CDH12: variants seen among roughly 807,000 people sequenced by gnomAD.
CDH12 encodes the protein cadherin 12.
CDH12 carries 41 observed loss-of-function variants against 74.1 expected under a neutral mutation model. The ratio of observed to expected loss-of-function variants is 0.55; its 90% CI spans 0.43 to 0.72. The LOEUF (loss-of-function observed/expected upper bound fraction) is 0.72. Among genes scored for constraint, CDH12 ranks in the 30% least tolerant of loss-of-function variants. CDH12 has a pLI of 0.00. For missense variants in CDH12, 945 were observed against 977.2 expected (o/e 0.97, Z 0.44); for synonymous variants, 399 against 355.0 (o/e 1.12, Z -1.39).
chr5:22,802,862 C>T (rs556846898), intron 1 of CDH12, among the ~76,000 whole-genome samples: 4 of 152,204 alleles, frequency 2.6e-5, no homozygotes, highest in East Asian at 3.9e-4. Flanking sequence ...AATATATACA[C>T]GTTTAAAAAA....
At chr5:22,132,057 CT>C (rs1170503046) in intron 4 of CDH12, among the ~76,000 whole-genome samples, 1 of 152,022 alleles carries the variant, frequency 6.6e-6, no homozygotes, top group Non-Finnish European at 1.5e-5. Flanking sequence ...TTGGGAACTT[CT>C]TTTTTTATAC....
intron 3 of CDH12, among the ~76,000 whole-genome samples, chr5:22,404,660 C>A (rs1742863326): frequency 6.6e-6 from 1 of 152,092 alleles, no homozygotes; most frequent in East Asian, 1.9e-4. Flanking sequence ...ATATTGTAAG[C>A]TACAATACCT....
At chr5:21,756,491 T>C (rs189927761) in intron 13 of CDH12, among the ~76,000 whole-genome samples, 58 of 152,276 alleles carry the variant, frequency 3.8e-4, no homozygotes, top group African/African-American at 9.6e-4. Flanking sequence ...GTAATTCTGG[T>C]TAATTCAAAA....
chr5:22,265,722 G>A (rs964776682), intron 3 of CDH12, among the ~76,000 whole-genome samples: 1 of 152,060 alleles, frequency 6.6e-6, no homozygotes, highest in African/African-American at 2.4e-5. Context: ...CTCAAGTGGT[G>A]CCACTCTCCT....
At chr5:22,119,016 C>G (rs1183413057) in intron 4 of CDH12, among the ~76,000 whole-genome samples, 1 of 152,012 alleles carries the variant, frequency 6.6e-6, no homozygotes, top group African/African-American at 2.4e-5. Flanking sequence ...AATTTGAGAA[C>G]AAGAAGAAGT....
chr5:22,132,323 A>G, intron 4 of CDH12, among the ~76,000 whole-genome samples: 1 of 151,982 alleles, frequency 6.6e-6, no homozygotes. Flanking sequence ...AGAGTTTCGA[A>G]TAGACCTGCA....
At chr5:22,525,629 C>T (rs575598793) in intron 1 of CDH12, among the ~76,000 whole-genome samples, 19 of 152,196 alleles carry the variant, frequency 1.2e-4, no homozygotes, top group African/African-American at 4.6e-4. Flanking sequence ...AATGTAACTC[C>T]CCACACCTCA....
intron 1 of CDH12, among the ~76,000 whole-genome samples, chr5:22,549,132 T>G (rs1420526892): frequency 6.7e-6 from 1 of 149,156 alleles, no homozygotes; most frequent in South Asian, 2.1e-4. Flanking sequence ...ATTTGTTTTT[T>G]TTTTGTTTTT....
At chr5:22,455,757 ATT>A (rs1561417471) in intron 2 of CDH12, among the ~76,000 whole-genome samples, 1 of 152,196 alleles carries the variant, frequency 6.6e-6, no homozygotes. Context: ...CCAACATTTC[ATT>A]TTTGGTAGTT....
chr5:22,565,649 G>A (rs1739249305), intron 1 of CDH12, among the ~76,000 whole-genome samples: 1 of 152,012 alleles, frequency 6.6e-6, no homozygotes, highest in African/African-American at 2.4e-5. Flanking sequence ...AAATCCTCTT[G>A]GGGGTATTTG....
In CDH12 at chr5:21,903,248, A is replaced by G. The variant is rs184067693; in HGVS notation, c.527-48458T>C. ...CCCAAATGTTGAATTCTACACAGCA[A>G]TAGTAGGGAAATTGGAGAGTTACTA... is the stretch of plus-strand genomic sequence containing the variant. On this transcript the variant is annotated intron_variant, in intron 6 of 14. Transcript: ENST00000382254. Among the ~76,000 whole-genome samples, 418 of 152,294 alleles carry G rather than the reference A, an allele frequency of 2.7e-3. 2 individuals carry two copies. The highest frequency in any genetic ancestry group is 4.5e-3 in the Non-Finnish European group (307 of 68,008).
chr5:21,984,677 C>T (rs141540480), intron 5 of CDH12, among the ~76,000 whole-genome samples: 651 of 152,230 alleles, frequency 4.3e-3, no homozygotes, highest in African/African-American at 0.015. Context: ...TGATGCTTTC[C>T]GAAGAGGAGT....
intron 3 of CDH12, among the ~76,000 whole-genome samples, chr5:22,244,491 C>T (rs1445675365): frequency 1.5e-4 from 9 of 59,128 alleles, no homozygotes; most frequent in African/African-American, 5.4e-4. Context: ...CAAGACTCTG[C>T]CTCAAAAAAA....
intron 5 of CDH12, among the ~76,000 whole-genome samples, chr5:22,009,939 CAAAAAAA>C (rs774589642): frequency 1.1e-4 from 6 of 54,330 alleles, no homozygotes; most frequent in East Asian, 1.1e-3. Context: ...GAAACTGTCT[CAAAAAAA>C]AAAAAAAAAA....
At chr5:22,588,768 T>A (rs1243068406) in intron 1 of CDH12, among the ~76,000 whole-genome samples, 4 of 152,154 alleles carry the variant, frequency 2.6e-5, no homozygotes, top group African/African-American at 9.7e-5. Context: ...TTCTCTCCTG[T>A]CACAGTGTGT....
chr5:22,523,826 T>C (rs763605530), intron 1 of CDH12, among the ~76,000 whole-genome samples: 1 of 152,128 alleles, frequency 6.6e-6, no homozygotes, highest in Non-Finnish European at 1.5e-5. Context: ...CTGGAATATA[T>C]ACCCAATTTC....
At chr5:22,306,381 GGAGAGA>G (rs35900801) in intron 3 of CDH12, among the ~76,000 whole-genome samples, 1 of 150,242 alleles carries the variant, frequency 6.7e-6, no homozygotes, top group Non-Finnish European at 1.5e-5. Context: ...GGGAGGGAAG[GGAGAGA>G]GAGAGAGAGA....
chr5:21,829,983 G>A (rs895153800), intron 8 of CDH12, among the ~76,000 whole-genome samples: 6 of 151,854 alleles, frequency 4.0e-5, no homozygotes, highest in Non-Finnish European at 7.4e-5. Context: ...TGGATCACCC[G>A]AGGTCAGGAA....
At chr5:22,775,676 G>A (rs969954795) in intron 1 of CDH12, among the ~76,000 whole-genome samples, 20 of 152,064 alleles carry the variant, frequency 1.3e-4, no homozygotes, top group African/African-American at 4.8e-4. Flanking sequence ...AAGTTGGAAA[G>A]AGAAGGTGAA....
Sources: gnomAD v4.1 joint callset for allele counts (sites outside exome capture counted in the v4.1 genomes callset) on GRCh38, gnomAD v4.1.1 for gene constraint, MANE v1.5 for transcripts, NCBI Gene and HGNC (gene_info 2026-07-23, HGNC 2026-07-21) for gene names.